Variants in MTHFSD observed in about 807,000 individuals in gnomAD.
MTHFSD encodes methenyltetrahydrofolate synthase domain-containing protein.
In MTHFSD, 37 loss-of-function variants were observed where a neutral mutation model predicts 31.1. The observed-to-expected ratio is 1.19, with a 90% CI of 0.91 to 1.56. The LOEUF (loss-of-function observed/expected upper bound fraction) is 1.56, where lower values mean the gene tolerates loss of function less well. Ranked by LOEUF, MTHFSD falls within the 40% of genes most tolerant of loss-of-function variation. The pLI, the probability that MTHFSD is intolerant of heterozygous loss-of-function variation, is 0.00. For synonymous variants in MTHFSD, 221 were observed against 206.9 expected (o/e 1.07, Z -0.59); for missense variants, 664 against 510.1 (o/e 1.30, Z -2.91).
At chr16:86,538,579 G>C (rs1971040337) in intron 7 of MTHFSD, among the ~76,000 whole-genome samples, 1 of 152,250 alleles carries the variant, frequency 6.6e-6, no homozygotes. Context: ...GCCATTTTCG[G>C]TTTGCTACGG....
chr16:86,535,490 A>T, intron 7 of MTHFSD: 1 of 985,424 alleles, frequency 1.0e-6, no homozygotes, highest in Non-Finnish European at 1.2e-6. Flanking sequence ...GCTGGCAATG[A>T]GGAATAGTTG....
At chr16:86,534,652 C>T (rs1478750822) in intron 7 of MTHFSD, among the ~76,000 whole-genome samples, 3 of 152,084 alleles carry the variant, frequency 2.0e-5, no homozygotes, top group Non-Finnish European at 2.9e-5. Context: ...TTTTAAATTA[C>T]CAGATTTAGT....
intron 2 of MTHFSD, 156 bp from the exon 3 acceptor site, chr16:86,552,302 A>G (rs537780849): frequency 1.2e-5 from 19 of 1,550,438 alleles, no homozygotes; most frequent in East Asian, 7.3e-5. Flanking sequence ...CCTGTTTCCA[A>G]TGCAATCGCA....
chr16:86,546,684 T>C, intron 4 of MTHFSD, 35 bp from the exon 5 acceptor site: 3 of 1,519,166 alleles, frequency 2.0e-6, no homozygotes, highest in Non-Finnish European at 2.7e-6. Context: ...AAACTTCAAC[T>C]CCAGCTGCTT....
chr16:86,546,712 T>C (rs1972364865), intron 4 of MTHFSD, 63 bp from the exon 5 acceptor site: 2 of 1,370,978 alleles, frequency 1.5e-6, no homozygotes, highest in Non-Finnish European at 2.1e-6. Flanking sequence ...TTATAATTCA[T>C]GATCAAAGTG....
chr16:86,549,905 G>C (rs116327837), intron 3 of MTHFSD, among the ~76,000 whole-genome samples: 4 of 151,654 alleles, frequency 2.6e-5, no homozygotes, highest in African/African-American at 9.7e-5. Context: ...GCATGCCCCC[G>C]GCACTGCGGA....
intron 3 of MTHFSD, 113 bp downstream of exon 3, chr16:86,551,920 T>C: frequency 6.6e-7 from 1 of 1,516,234 alleles, no homozygotes; most frequent in Non-Finnish European, 8.8e-7. Flanking sequence ...TTGGAGGGAA[T>C]CGGAAGCACC....
chr16:86,550,223 T>G (rs116188666), intron 3 of MTHFSD, among the ~76,000 whole-genome samples: 1,578 of 152,336 alleles, frequency 0.01, 24 homozygotes, highest in African/African-American at 0.036. Flanking sequence ...CTGAGGACCC[T>G]GAAAGCACCA....
chr16:86,547,896 C>A, intron 4 of MTHFSD: 1 of 450,662 alleles, frequency 2.2e-6, no homozygotes, highest in Non-Finnish European at 3.4e-6. Flanking sequence ...TTAAAAAAGT[C>A]ACCAAATTCG....
At position 86,542,307 on chromosome 16, in the gene MTHFSD, A is replaced by G; in HGVS notation, c.443-94T>C. On this transcript the variant is annotated intron_variant, in intron 5 of 7. Coordinates refer to ENST00000360900, the MANE Select transcript of MTHFSD (RefSeq NM_001159377.2). This position sits in a 1 kb window ranked among gnomAD's most constrained non-coding sequence, Gnocchi z 4.6. ...AGGTCCAGTGGAAGAAGAAACTTGA[A>G]CCCAATATCCCGAGCTAATCTATAG... 9.5e-7 allele frequency: 1 copy of G among 1,051,820 alleles called. No homozygotes were observed. Among genetic ancestry groups the G allele is most frequent in the Admixed American group, 2.3e-5 (1 of 43,604 alleles). The allele number at this position is 1,051,820 out of a possible 1,614,324, so 65.2% of individuals were successfully genotyped here. A position where few individuals can be genotyped will look rare whatever the true frequency, so the allele number is the denominator to read the frequency against.
At chr16:86,541,291 TAAAA>T in intron 7 of MTHFSD, 21 of 773,510 alleles carry the variant, frequency 2.7e-5, no homozygotes, top group East Asian at 6.9e-5. Context: ...AGATCGTCAG[TAAAA>T]AAAAAAAAAA....
At chr16:86,539,156 G>C (rs76781532) in intron 7 of MTHFSD, among the ~76,000 whole-genome samples, 2 of 152,152 alleles carry the variant, frequency 1.3e-5, no homozygotes, top group Non-Finnish European at 2.9e-5. Context: ...GGCTACTTGT[G>C]GGGGGTCTCT....
chr16:86,542,609 A>T lies in MTHFSD; in HGVS notation c.443-396T>A, dbSNP rs560191645. The T allele has an allele frequency of 2.3e-4, 42 of 182,340 alleles. 1 individual carries two copies. The East Asian group carries it at 4.0e-3, about 17-fold the overall frequency. The allele number at this position is 182,340 out of a possible 1,614,324, so 11.3% of individuals were successfully genotyped here. On this transcript the variant is annotated intron_variant, in intron 5 of 7. Coordinates refer to ENST00000360900, the MANE Select transcript of MTHFSD (RefSeq NM_001159377.2). This position sits in a 1 kb window ranked among gnomAD's most constrained non-coding sequence, Gnocchi z 4.6. ...AAAGCAAAACATGTTTAATCAACTT[A>T]CCTCGGAGGGAAAATCGCTGCTCTG... is the stretch of plus-strand genomic sequence containing the variant.
At chr16:86,549,134 T>C (rs989365587) in intron 3 of MTHFSD, among the ~76,000 whole-genome samples, 4 of 152,246 alleles carry the variant, frequency 2.6e-5, no homozygotes, top group Non-Finnish European at 5.9e-5. Flanking sequence ...AAATGCCTAT[T>C]GTGAGAACCT....
At chr16:86,543,036 A>G (rs1409199980) in intron 5 of MTHFSD, among the ~76,000 whole-genome samples, 1 of 152,266 alleles carries the variant, frequency 6.6e-6, no homozygotes, top group African/African-American at 2.4e-5. Flanking sequence ...AGCTACTTTG[A>G]CAATTCAAAA....
rs1320117988 is a variant in MTHFSD, at chr16:86,546,507, C to G, written c.442+52G>C. ...GAAAGACAAACAGCCTGGCACGCAG[C>G]CGCCTTCAGGCAGAGCTGTCACACT... On this transcript the variant is annotated intron_variant, in intron 5 of 7. Transcript: ENST00000360900. 19 of 1,515,754 alleles carry G rather than the reference C, an allele frequency of 1.3e-5. No homozygotes were observed. The East Asian group carries it at 3.8e-4, about 31-fold the overall frequency. The allele number at this position is 1,515,754 out of a possible 1,614,324, so 93.9% of individuals were successfully genotyped here.
chr16:86,549,151 C>T (rs573847685), intron 3 of MTHFSD, among the ~76,000 whole-genome samples: 1 of 152,226 alleles, frequency 6.6e-6, no homozygotes, highest in Non-Finnish European at 1.5e-5. Context: ...ACCTCTAGAA[C>T]AGGGCTTCTC....
rs1972651034 is a variant in MTHFSD at position 86,548,459 on chromosome 16, C to G, written c.351+5G>C. On this transcript the variant is annotated splice_donor_5th_base_variant and intron_variant, in intron 4 of 7. Transcript: ENST00000360900. Reference sequence around the variant, plus strand: ...CTAGGTGGGGACATTGCTTCTGGTACTTACCTGAGAGGTGGCACATTTTCT... The same window carrying G: ...CTAGGTGGGGACATTGCTTCTGGTAGTTACCTGAGAGGTGGCACATTTTCT... 1 of 1,611,092 alleles carries G rather than the reference C, an allele frequency of 6.2e-7. No individual in the cohort carries two copies. Among genetic ancestry groups the G allele is most frequent in the African/African-American group, 1.3e-5 (1 of 75,004 alleles).
intron 3 of MTHFSD, 173 bp downstream of exon 3, chr16:86,551,860 G>C: frequency 8.3e-7 from 1 of 1,201,614 alleles, no homozygotes; most frequent in Non-Finnish European, 1.1e-6. Flanking sequence ...AACAGCTGAA[G>C]GGCTTCTGAA....
Sources: gnomAD v4.1 joint callset for allele counts (sites outside exome capture counted in the v4.1 genomes callset) on GRCh38, gnomAD v4.1.1 for gene constraint, Gnocchi (gnomAD v3.1) non-coding constraint, MANE v1.5 for transcripts, NCBI Gene and HGNC (gene_info 2026-07-23, HGNC 2026-07-21) for gene names.